The following SLC39A10 variants were observed in gnomAD, a reference collection of about 807,000 sequenced individuals.
SLC39A10 encodes the protein zinc transporter ZIP10.
Under a neutral mutation model 65.1 loss-of-function variants are expected in SLC39A10, and 13 were observed. The ratio of observed to expected loss-of-function variants is 0.20; its 90% CI spans 0.13 to 0.32. The LOEUF is 0.32. Among genes scored for constraint, SLC39A10 ranks in the 10% least tolerant of loss-of-function variants. SLC39A10 has a pLI of 1.00. For synonymous variants in SLC39A10, 321 were observed against 342.2 expected (o/e 0.94, Z 0.68); for missense variants, 831 against 1,018.4 (o/e 0.82, Z 2.50).
intron 5 of SLC39A10, 125 bp downstream of exon 5, chr2:195,708,969 A>G: frequency 1.5e-6 from 1 of 657,014 alleles, no homozygotes; most frequent in Non-Finnish European, 2.4e-6. Context: ...TGTAACAGCT[A>G]ATCTTTAGAG....
At chr2:195,629,392 CAAA>C (rs60548307) in intron 2 of SLC39A10, among the ~76,000 whole-genome samples, 1 of 79,754 alleles carries the variant, frequency 1.3e-5, no homozygotes, top group African/African-American at 4.4e-5. Flanking sequence ...AGATTCCTTT[CAAA>C]AAAAAAAAAA....
At chr2:195,644,803 C>CA (rs879723988) in intron 2 of SLC39A10, among the ~76,000 whole-genome samples, 3,309 of 136,910 alleles carry the variant, frequency 0.024, 105 homozygotes, top group African/African-American at 0.083. Context: ...CATCCTGTCT[C>CA]AAAAAAAAAA....
intron 1 of SLC39A10, among the ~76,000 whole-genome samples, chr2:195,667,271 G>A (rs954929150): frequency 1.3e-5 from 2 of 152,202 alleles, no homozygotes; most frequent in African/African-American, 4.8e-5. Context: ...ATTTCCAGTA[G>A]ATTAGATAGC....
chr2:195,623,514 ATACT>A (rs1688393868), intron 2 of SLC39A10, among the ~76,000 whole-genome samples: 1 of 152,202 alleles, frequency 6.6e-6, no homozygotes, highest in African/African-American at 2.4e-5. Context: ...AGTAAACCAA[ATACT>A]TACTATGAAA....
At chr2:195,629,758 A>G (rs1210393678) in intron 2 of SLC39A10, among the ~76,000 whole-genome samples, 1 of 152,126 alleles carries the variant, frequency 6.6e-6, no homozygotes, top group Admixed American at 6.6e-5. Flanking sequence ...TTTTAAGACA[A>G]TCTCGCTCTT....
intron 2 of SLC39A10, among the ~76,000 whole-genome samples, chr2:195,623,945 T>G (rs1688405341): frequency 7.0e-6 from 1 of 143,578 alleles, no homozygotes. Flanking sequence ...ACACACCGTC[T>G]TAGATATGCA....
intron 1 of SLC39A10, chr2:195,658,618 A>T (rs1689260100): frequency 6.6e-6 from 1 of 152,362 alleles, no homozygotes; most frequent in African/African-American, 2.4e-5. Context: ...TGTAGAACTT[A>T]GTTCCTTCTA....
intron 3 of SLC39A10, among the ~76,000 whole-genome samples, chr2:195,699,172 T>G (rs1182643617): frequency 6.6e-6 from 1 of 152,048 alleles, no homozygotes; most frequent in Non-Finnish European, 1.5e-5. Flanking sequence ...ATTTAGTAAT[T>G]TGTATCTTCT....
chr2:195,684,627 T>A (rs540046567), intron 3 of SLC39A10, among the ~76,000 whole-genome samples: 13 of 152,194 alleles, frequency 8.5e-5, no homozygotes, highest in African/African-American at 3.1e-4. Context: ...TTTTTTTTCT[T>A]TTCCTTTTTT....
intron 2 of SLC39A10, among the ~76,000 whole-genome samples, chr2:195,626,126 T>C (rs1688467599): frequency 1.3e-5 from 2 of 152,190 alleles, no homozygotes; most frequent in African/African-American, 4.8e-5. Context: ...AATTTAAGTA[T>C]ATATGTACAT....
At position 195,680,183 on chromosome 2, in the gene SLC39A10, G is replaced by T. The variant is rs371165179; in HGVS notation, c.141G>T (p.Glu47Asp). 5.6e-6 allele frequency: 9 copies of T among 1,613,872 alleles called. No homozygotes were observed. The highest frequency in any genetic ancestry group is 7.6e-6 in the Non-Finnish European group (9 of 1,180,014). The change falls in exon 2 of 10, where the codon GAG (glutamate) becomes GAT (aspartate). Residue 47 changes from glutamate (E) to aspartate (D), a missense_variant. Physicochemically the swap from Glu to Asp is conservative, Grantham distance 45 (BLOSUM62 2). Around this residue, in one of 4 missense-constraint regions of SLC39A10, gnomAD observed 446 missense variants for 499.2 expected, o/e 0.89. Transcript: ENST00000359634. The part of the protein sequence containing the change: ...HRQHRGMTEL[E>D]PSKFSKQAAE... ...AGCATCGTGGAATGACAGAATTGGA[G>T]CCAAGCAAATTTTCAAAGCAAGCTG... is the stretch of plus-strand genomic sequence containing the variant.
intron 1 of SLC39A10, 35 bp downstream of exon 1, chr2:195,657,316 C>G (rs574752712): frequency 1.2e-5 from 11 of 897,374 alleles, no homozygotes; most frequent in Non-Finnish European, 1.3e-5. Context: ...TACATTCCCT[C>G]CCCCAGAACC....
At chr2:195,661,236 CT>C (rs560814386) in intron 1 of SLC39A10, among the ~76,000 whole-genome samples, 1 of 151,796 alleles carries the variant, frequency 6.6e-6, no homozygotes, top group Non-Finnish European at 1.5e-5. Flanking sequence ...ATTTCAAACT[CT>C]TTTTTTTCTT....
intron 3 of SLC39A10, among the ~76,000 whole-genome samples, chr2:195,700,222 A>C (rs1185080852): frequency 6.6e-6 from 1 of 152,160 alleles, no homozygotes; most frequent in African/African-American, 2.4e-5. Context: ...CATTTAAAGT[A>C]ATTACTGATA....
At chr2:195,673,457 C>T (rs1209458004) in intron 1 of SLC39A10, among the ~76,000 whole-genome samples, 1 of 152,134 alleles carries the variant, frequency 6.6e-6, no homozygotes, top group Non-Finnish European at 1.5e-5. Flanking sequence ...AGTGCCCAGC[C>T]CAAAGTATCA....
chr2:195,684,672 A>G (rs989394538), intron 3 of SLC39A10, among the ~76,000 whole-genome samples: 1 of 151,956 alleles, frequency 6.6e-6, no homozygotes, highest in African/African-American at 2.4e-5. Context: ...GTCCAGTTAA[A>G]GCTATCTCTT....
At chr2:195,666,837 C>T (rs1461888240) in intron 1 of SLC39A10, among the ~76,000 whole-genome samples, 1 of 152,200 alleles carries the variant, frequency 6.6e-6, no homozygotes, top group Non-Finnish European at 1.5e-5. Context: ...AAAGACATCC[C>T]AACGACTGCA....
intron 2 of SLC39A10, among the ~76,000 whole-genome samples, chr2:195,630,059 A>G (rs1688553450): frequency 6.6e-6 from 1 of 150,384 alleles, no homozygotes. Context: ...GTAACTTAAA[A>G]TTAATTTTTC....
intron 1 of SLC39A10, among the ~76,000 whole-genome samples, chr2:195,676,945 T>C (rs1046620600): frequency 8.3e-6 from 1 of 120,306 alleles, no homozygotes; most frequent in African/African-American, 2.8e-5. Context: ...TTCTTTGCTG[T>C]CCTTCAATAA....
Sources: gnomAD v4.1 joint callset for allele counts (sites outside exome capture counted in the v4.1 genomes callset) on GRCh38, gnomAD v4.1.1 for gene constraint, gnomAD v4.1.1 regional missense constraint, MANE v1.5 for transcripts, NCBI Gene and HGNC (gene_info 2026-07-23, HGNC 2026-07-21) for gene names.